FOXN3: variants seen among roughly 807,000 people sequenced by gnomAD.
The protein encoded by FOXN3 is forkhead box protein N3.
In FOXN3, 7 loss-of-function variants were observed where a neutral mutation model predicts 38.4. That is an observed-to-expected ratio of 0.18 (90% confidence interval 0.10 to 0.34). The LOEUF (loss-of-function observed/expected upper bound fraction) is 0.34. Ranked by LOEUF, FOXN3 falls within the 10% of genes least tolerant of loss-of-function variation. The pLI is 1.00. For missense variants in FOXN3, 456 were observed against 613.4 expected (o/e 0.74, Z 2.71); for synonymous variants, 230 against 242.2 (o/e 0.95, Z 0.47).
intron 1 of FOXN3, among the ~76,000 whole-genome samples, chr14:89,474,445 C>T (rs1893168612): frequency 6.6e-6 from 1 of 152,132 alleles, no homozygotes; most frequent in Non-Finnish European, 1.5e-5. Flanking sequence ...GTATGTGTGG[C>T]AGAACCACTT....
At chr14:89,360,203 T>G (rs1889408504) in intron 2 of FOXN3, among the ~76,000 whole-genome samples, 1 of 152,026 alleles carries the variant, frequency 6.6e-6, no homozygotes, top group Non-Finnish European at 1.5e-5. Flanking sequence ...CCTCCTCCTC[T>G]GGACCTGGCT....
At chr14:89,566,134 CG>C (rs1052364777) in intron 1 of FOXN3, among the ~76,000 whole-genome samples, 79 of 152,306 alleles carry the variant, frequency 5.2e-4, no homozygotes, top group African/African-American at 1.6e-3. Context: ...ACAAATCCCA[CG>C]AGTAAAGACC....
intron 1 of FOXN3, among the ~76,000 whole-genome samples, chr14:89,538,205 G>A (rs1894726742): frequency 6.6e-6 from 1 of 152,164 alleles, no homozygotes. Context: ...TGCTCAAAAC[G>A]CAGTTCATTC....
chr14:89,199,762 G>C (rs1888188400), intron 4 of FOXN3, among the ~76,000 whole-genome samples: 1 of 152,100 alleles, frequency 6.6e-6, no homozygotes. Flanking sequence ...AAATTAGCCA[G>C]GTGTGGTGGT....
intron 4 of FOXN3, among the ~76,000 whole-genome samples, chr14:89,234,082 C>T (rs1884906460): frequency 6.6e-6 from 1 of 152,108 alleles, no homozygotes; most frequent in Non-Finnish European, 1.5e-5. Flanking sequence ...CCCCAAAGAC[C>T]ACTTAATAGC....
intron 1 of FOXN3, among the ~76,000 whole-genome samples, chr14:89,568,173 G>A (rs182424750): frequency 5.3e-5 from 8 of 151,802 alleles, no homozygotes; most frequent in Admixed American, 5.3e-4. Context: ...TTCCCTCCCC[G>A]CTTCCATTCT....
rs571124255 is a variant in FOXN3, at chr14:89,616,931, C to G, written c.-15+2097G>C. 4.6e-5 allele frequency among the ~76,000 whole-genome samples: 7 copies of G among 152,262 alleles called. No homozygotes were observed. In the East Asian group the frequency reaches 9.6e-4, roughly 21 times the overall value. ...TAAAATGACCTTGATTTGACAGGCG[C>G]GATCTCAGGTTTCAACAGATGCTGT... On this transcript the variant is annotated intron_variant, in intron 1 of 6. Coordinates refer to the FOXN3 transcript ENST00000345097.
chr14:89,610,000 T>C (rs1388334661), intron 1 of FOXN3, among the ~76,000 whole-genome samples: 4 of 152,168 alleles, frequency 2.6e-5, no homozygotes, highest in Non-Finnish European at 5.9e-5. Flanking sequence ...AATTTCTGCC[T>C]AAATGCTTAA....
At chr14:89,600,452 G>GC (rs1355060031) in intron 1 of FOXN3, among the ~76,000 whole-genome samples, 6 of 152,050 alleles carry the variant, frequency 3.9e-5, no homozygotes, top group African/African-American at 1.4e-4. Flanking sequence ...TGTTTGTAGG[G>GC]CCCCTTCTAA....
chr14:89,505,499 G>A lies in FOXN3; in HGVS notation c.-14-93009C>T, dbSNP rs1158882337. On this transcript the variant is annotated intron_variant, in intron 1 of 6. Transcript: ENST00000345097. ...GCTGTGTTGGCCGGGCTGGTCTCCA[G>A]CTCCTAACCGCGAGTGATCCGCCAG... 2.7e-5 allele frequency among the ~76,000 whole-genome samples: 4 copies of A among 150,132 alleles called. No individual in the cohort carries two copies. The East Asian group carries it at 5.8e-4, about 22-fold the overall frequency.
Position 89,484,003 on chromosome 14 carries a change from A to C in FOXN3, c.-14-71513T>G, listed in dbSNP as rs189608510. Among the ~76,000 whole-genome samples, 4 of 152,244 alleles carry C rather than the reference A, an allele frequency of 2.6e-5. No individual in the cohort carries two copies. The highest frequency in any genetic ancestry group is 6.5e-5 in the Admixed American group (1 of 15,288). On this transcript the variant is annotated intron_variant, in intron 1 of 6. Transcript: ENST00000345097. This position sits in a 1 kb window ranked among gnomAD's most constrained non-coding sequence, Gnocchi z 4.0. ...GTTTGTTTTAATTTGGTGCTGATTT[A>C]TTCCAACATTTAGGTTAATCCAAGA...
At position 89,182,684 on chromosome 14, in the gene FOXN3, A is replaced by G. The variant is rs140391536; in HGVS notation, c.746-1878T>C. On this transcript the variant is annotated intron_variant, in intron 4 of 5. Transcript: ENST00000557258. ...GAATTCTCTATAAGGAAGAATGTCT[A>G]AAGTTTATATTACCTAATTTATCTT... Among the ~76,000 whole-genome samples, 17 of 152,366 alleles carry G rather than the reference A, an allele frequency of 1.1e-4. No homozygotes were observed. The East Asian group carries it at 3.3e-3, about 29-fold the overall frequency.
intron 1 of FOXN3, among the ~76,000 whole-genome samples, chr14:89,569,046 T>C (rs1232885830): frequency 6.6e-6 from 1 of 152,024 alleles, no homozygotes; most frequent in East Asian, 1.9e-4. Flanking sequence ...CTACTAAAAA[T>C]ACAAAAATAT....
intron 2 of FOXN3, among the ~76,000 whole-genome samples, chr14:89,371,231 C>T (rs1890310151): frequency 6.6e-6 from 1 of 152,112 alleles, no homozygotes; most frequent in Admixed American, 6.5e-5. Context: ...CCGAAAGTGG[C>T]CCGGGGAGGA....
intron 3 of FOXN3, among the ~76,000 whole-genome samples, chr14:89,348,380 T>C (rs1735558712): frequency 6.6e-6 from 1 of 152,110 alleles, no homozygotes; most frequent in South Asian, 2.1e-4. Context: ...GGCTTAGAAT[T>C]GAACCAAATG....
In FOXN3 at chr14:89,532,694, T is replaced by G. The variant is rs967289458; in HGVS notation, c.-15+86334A>C. ...TTAGAATGATATTGGCAAGTTGATTTCACTCCAAGTTTAACCAGCATTTCC... is the reference window on the plus strand; with the variant it reads ...TTAGAATGATATTGGCAAGTTGATTGCACTCCAAGTTTAACCAGCATTTCC... On this transcript the variant is annotated intron_variant, in intron 1 of 6. Transcript: ENST00000345097. 3.3e-5 allele frequency among the ~76,000 whole-genome samples: 5 copies of G among 152,330 alleles called. No homozygotes were observed. The East Asian group carries it at 9.7e-4, about 29-fold the overall frequency.
chr14:89,499,942 CG>C, intron 1 of FOXN3, among the ~76,000 whole-genome samples: 2 of 152,216 alleles, frequency 1.3e-5, no homozygotes, highest in South Asian at 4.1e-4. Flanking sequence ...CTCCGCATCT[CG>C]GGTTCAAGTG....
At chr14:89,413,725 GGGGAAGGGAAGGGAGAA>G (rs1391148993) in intron 1 of FOXN3, among the ~76,000 whole-genome samples, 1 of 143,300 alleles carries the variant, frequency 7.0e-6, no homozygotes, top group East Asian at 2.0e-4. Context: ...GGAAGAGAAG[GGGGAAGGGAAGGGAGAA>G]GGGAAGGGAA....
intron 4 of FOXN3, among the ~76,000 whole-genome samples, chr14:89,261,006 T>G (rs982581258): frequency 1.3e-5 from 2 of 152,210 alleles, no homozygotes; most frequent in Non-Finnish European, 2.9e-5. Context: ...CTACCTGTGT[T>G]TGTGTATGTG....
Sources: allele counts gnomAD v4.1 joint callset (sites outside exome capture counted in the v4.1 genomes callset), GRCh38; gene constraint gnomAD v4.1.1; non-coding constraint Gnocchi (gnomAD v3.1); transcripts MANE v1.5; gene names NCBI Gene and HGNC (gene_info 2026-07-23, HGNC 2026-07-21).